COL20A1: variants seen among roughly 807,000 people sequenced by gnomAD.
The protein encoded by COL20A1 is collagen type XX alpha 1 chain.
In COL20A1, 164 loss-of-function variants were observed where a neutral mutation model predicts 152.9. That is an observed-to-expected ratio of 1.07 (90% CI 0.94 to 1.22). The LOEUF is 1.22. Ranked by LOEUF, COL20A1 falls within the 50% of genes most tolerant of loss-of-function variation. The probability of loss-of-function intolerance (pLI) is 0.00; values close to 1 mark genes in which losing one functional copy is unlikely to be tolerated. For synonymous variants in COL20A1, 864 were observed against 756.0 expected, an observed-to-expected ratio of 1.14 and a Z score of -2.34; for missense variants, 1,873 against 1,744.8, an observed-to-expected ratio of 1.07 and a Z score of -1.31.
chr20:63,334,232 T>C lies in COL20A1; in HGVS notation c.*3516T>C, dbSNP rs1350122568. ...CAACCAATGATAACAAGCTAAAGAATGCCTCTAGAAGCTAAAAGACACACC... is the reference window on the plus strand; with the variant it reads ...CAACCAATGATAACAAGCTAAAGAACGCCTCTAGAAGCTAAAAGACACACC... On this transcript the variant is annotated 3_prime_UTR_variant, in exon 36 of 36. Transcript: ENST00000358894. 2 of 152,176 alleles carry C rather than the reference T, an allele frequency of 1.3e-5. No individual in the cohort carries two copies. The highest frequency in any genetic ancestry group is 2.9e-5 in the Non-Finnish European group (2 of 68,050). 9.4% of individuals were successfully genotyped at this position (152,176 alleles called of 1,614,324 possible).
chr20:63,321,711 C>T (rs543735795), intron 26 of COL20A1, among the ~76,000 whole-genome samples: 5 of 152,294 alleles, frequency 3.3e-5, no homozygotes, highest in Non-Finnish European at 7.4e-5. Context: ...GCTGCAGCTG[C>T]CTCTGCTCAC....
chr20:63,327,367 G>A (rs2068267513), intron 31 of COL20A1: 1 of 174,882 alleles, frequency 5.7e-6, no homozygotes, highest in South Asian at 1.2e-4. Flanking sequence ...GTGTAGCTAA[G>A]GGCTGGTTCT....
At position 63,328,351 on chromosome 20, in the gene COL20A1, T is replaced by C; in HGVS notation, c.3634T>C (p.Ser1212Pro). The C allele has an allele frequency of 6.2e-7, 1 of 1,612,402 alleles. No individual in the cohort carries two copies. Among genetic ancestry groups the C allele is most frequent in the Non-Finnish European group, 8.5e-7 (1 of 1,179,448 alleles). ...SQASHVSKFDSFHENTRPPMP... is the reference protein window; with the variant it reads ...SQASHVSKFDPFHENTRPPMP... ...CACAGCACACGTGTCAAAGTTCGAC[T>C]CCTTCCACGAGAACACCAGGCCCCC... is the stretch of plus-strand genomic sequence containing the variant. Residue 1212 changes from serine to proline, a missense_variant, in exon 34 of 36, where the codon TCC becomes CCC. Ser to Pro is a moderately conservative substitution (Grantham distance 74). Transcript: ENST00000358894.
intron 8 of COL20A1, among the ~76,000 whole-genome samples, chr20:63,309,121 G>T (rs2067969065): frequency 6.6e-6 from 1 of 152,190 alleles, no homozygotes; most frequent in African/African-American, 2.4e-5. Context: ...GGAAACCCCA[G>T]ATTTCGAGGC....
chr20:63,313,309 C>G lies in COL20A1; in HGVS notation c.2209+60C>G. The G allele has an allele frequency of 1.3e-6, 2 of 1,540,874 alleles. No homozygotes were observed. Among genetic ancestry groups the G allele is most frequent in the South Asian group, 1.2e-5 (1 of 81,494 alleles). ...GGGGCAGGGATGGCCCAGGGGATCC[C>G]TGACTCACCCGCTGCACAGGCCCAG... On this transcript the variant is annotated intron_variant, in intron 17 of 35. Coordinates refer to ENST00000358894, the MANE Select transcript of COL20A1 (RefSeq NM_020882.4). The surrounding 1 kb of genome is among the most constrained non-coding windows in gnomAD (Gnocchi z 5.9).
rs780971401 is a variant in COL20A1, at chr20:63,313,216, C to T, written c.2176C>T (p.Arg726Cys). Residue 726 changes from arginine (R) to cysteine (C), a missense_variant, in exon 17 of 36, where the codon CGC becomes TGC. Arg to Cys is a radical substitution (Grantham distance 180). Coordinates refer to ENST00000358894, the MANE Select transcript of COL20A1 (RefSeq NM_020882.4). This position sits in a 1 kb window ranked among gnomAD's most constrained non-coding sequence, Gnocchi z 5.9. ...CTTGGCCTACTACAGGGACGGGGCC[C>T]GCAGTGACCCTGTGTCCCTCCGCTA... is the stretch of plus-strand genomic sequence containing the variant. The part of the protein sequence containing the change: ...TILAYYRDGA[R>C]SDPVSLRYTP... 24 of 1,612,150 alleles carry T rather than the reference C, an allele frequency of 1.5e-5. No homozygotes were observed. The Middle Eastern group carries it at 4.9e-4, about 33-fold the overall frequency.
At chr20:63,309,556 T>TTGGG (rs1487459911) in intron 9 of COL20A1, 59 bp downstream of exon 9, 11 of 1,413,372 alleles carry the variant, frequency 7.8e-6, no homozygotes, top group South Asian at 5.9e-5. Context: ...GGGCAAAGGG[T>TTGGG]TGGGGGGACG....
In COL20A1 at chr20:63,316,536, C is replaced by G. The variant is rs778390446; in HGVS notation, c.2525-17C>G. 3 of 1,583,584 alleles carry G rather than the reference C, an allele frequency of 1.9e-6. No individual in the cohort carries two copies. The highest frequency in any genetic ancestry group is 2.7e-5 in the African/African-American group (2 of 74,046). On this transcript the variant is annotated splice_polypyrimidine_tract_variant and intron_variant, in intron 20 of 35. Transcript: ENST00000358894. ...CTGAGGGTCCCTCGGTGCCCCTTCC[C>G]CCACCATCTTCCCCAGGGTTTGACC...
At chr20:63,316,770 G>C in intron 21 of COL20A1, 79 bp downstream of exon 21, 2 of 1,359,556 alleles carry the variant, frequency 1.5e-6, no homozygotes, top group Non-Finnish European at 1.9e-6. Flanking sequence ...GTGGGGGGGC[G>C]GGCATGGGCC....
In COL20A1 at chr20:63,295,061, G is replaced by A. The variant is rs573268710; in HGVS notation, c.-10-37G>A. ...TGTGGTCAGGGAGAGGACAGACGGGGGGACGGCTGAAGGGCATGGCCTCTT... is the reference window on the plus strand; with the variant it reads ...TGTGGTCAGGGAGAGGACAGACGGGAGGACGGCTGAAGGGCATGGCCTCTT... On this transcript the variant is annotated intron_variant, in intron 1 of 35. Transcript: ENST00000358894. The A allele has an allele frequency of 7.2e-5, 98 of 1,363,042 alleles. 2 individuals are homozygous for A. The African/African-American group carries it at 1.1e-3, about 16-fold the overall frequency. 84.4% of individuals were successfully genotyped at this position (1,363,042 alleles called of 1,614,324 possible). A position where few individuals can be genotyped will look rare whatever the true frequency, so the allele number is the denominator to read the frequency against.
In COL20A1 at chr20:63,315,469, C is replaced by G. The variant is rs1179396182; in HGVS notation, c.2524+30C>G. 3 of 1,550,700 alleles carry G rather than the reference C, an allele frequency of 1.9e-6. No individual in the cohort carries two copies. The Admixed American group carries it at 5.6e-5, about 29-fold the overall frequency. ...GTCCTGCATGCCCTCCCCTGCCTGC[C>G]CACCCACAGTCTCTCGGGCTCTTCC... On this transcript the variant is annotated intron_variant, in intron 20 of 35. Transcript: ENST00000358894.
chr20:63,296,902 CTG>C (rs2067801166), intron 2 of COL20A1, among the ~76,000 whole-genome samples: 1 of 152,180 alleles, frequency 6.6e-6, no homozygotes, highest in Admixed American at 6.5e-5. Flanking sequence ...AAGCCCATCT[CTG>C]TCCCCATTTT....
Position 63,312,507 on chromosome 20 carries a change from C to T in COL20A1, c.1891C>T (p.Pro631Ser). The T allele has an allele frequency of 6.2e-7, 1 of 1,608,174 alleles. No individual in the cohort carries two copies. Residue 631 changes from proline (P) to serine (S), a missense_variant, in exon 15 of 36, where the codon CCT becomes TCT. Pro to Ser is a moderately conservative substitution (Grantham distance 74). Coordinates refer to ENST00000358894, the MANE Select transcript of COL20A1 (RefSeq NM_020882.4). ...TYTVRVTCLYPGGGSSTLTGR... is the reference protein window; with the variant it reads ...TYTVRVTCLYSGGGSSTLTGR... ...CACTGTCCGTGTCACCTGCCTCTAC[C>T]CTGGGGGTGGCTCCTCTACGCTGAC...
chr20:63,301,140 C>T (rs1203891697), intron 3 of COL20A1, among the ~76,000 whole-genome samples: 1 of 152,160 alleles, frequency 6.6e-6, no homozygotes, highest in Non-Finnish European at 1.5e-5. Context: ...CATGGCAAAA[C>T]CCCGTCTCTA....
At chr20:63,329,885 T>TG (rs1020321831) in intron 35 of COL20A1, among the ~76,000 whole-genome samples, 7 of 151,652 alleles carry the variant, frequency 4.6e-5, no homozygotes, top group Admixed American at 4.6e-4. Flanking sequence ...TCACAGGGCG[T>TG]GGGGTCACAG....
In COL20A1 at chr20:63,327,485, C is replaced by T; in HGVS notation, c.3529-467C>T. 2 of 203,820 alleles carry T rather than the reference C, an allele frequency of 9.8e-6. 1 individual carries two copies. The highest frequency in any genetic ancestry group is 1.7e-4 in the South Asian group (2 of 11,614). The allele number at this position is 203,820 out of a possible 1,614,324, so 12.6% of individuals were successfully genotyped here. A position where few individuals can be genotyped will look rare whatever the true frequency, so the allele number is the denominator to read the frequency against. ...GACGTGGGAGATGGGGGTGTAGTGT[C>T]CCCTGGGGGATGCCTTGGCCTTCAG... On this transcript the variant is annotated intron_variant, in intron 31 of 35. Coordinates refer to ENST00000358894, the MANE Select transcript of COL20A1 (RefSeq NM_020882.4).
rs549362267 is a variant in COL20A1, at chr20:63,311,730, G to C, written c.1645G>C (p.Gly549Arg). Reference protein sequence around the residue: ...LRGPEGSEARGIRARTPTLAP... With the variant: ...LRGPEGSEARRIRARTPTLAP... ...AGGCCCTGAGGGCAGCGAGGCCCGG[G>C]GCATCCGTGCCAGGACCCGTGAGTG... The change falls in exon 13 of 36, where the codon GGC becomes CGC. Residue 549 changes from glycine to arginine, a missense_variant. Coordinates refer to ENST00000358894, the MANE Select transcript of COL20A1 (RefSeq NM_020882.4). The surrounding 1 kb of genome is among the most constrained non-coding windows in gnomAD (Gnocchi z 4.4). 3 of 1,595,656 alleles carry C rather than the reference G, an allele frequency of 1.9e-6. No homozygotes were observed. Among genetic ancestry groups the C allele is most frequent in the East Asian group, 4.5e-5 (2 of 44,380 alleles).
At chr20:63,328,296 C>CCA (rs763939959) in intron 33 of COL20A1, 35 bp from the exon 34 acceptor site, 1 of 1,593,188 alleles carries the variant, frequency 6.3e-7, no homozygotes, top group South Asian at 1.1e-5. Flanking sequence ...CCCCGGGTCC[C>CCA]CACTGTGTCC....
chr20:63,313,472 G>A lies in COL20A1; in HGVS notation c.2209+223G>A, dbSNP rs771781521. Among the ~76,000 whole-genome samples, 4 of 152,276 alleles carry A rather than the reference G, an allele frequency of 2.6e-5. No individual in the cohort carries two copies. The highest frequency in any genetic ancestry group is 2.9e-5 in the Non-Finnish European group (2 of 68,012). ...GAGTGCACAAACCACCTAGTGTCCC[G>A]CAGGGCAGCCCAGGCAGCAGCCCTG... On this transcript the variant is annotated intron_variant, in intron 17 of 35. Transcript: ENST00000358894. This position sits in a 1 kb window ranked among gnomAD's most constrained non-coding sequence, Gnocchi z 5.9.
Sources: gnomAD v4.1 joint callset for allele counts (sites outside exome capture counted in the v4.1 genomes callset) on GRCh38, gnomAD v4.1.1 for gene constraint, Gnocchi (gnomAD v3.1) non-coding constraint, MANE v1.5 for transcripts, NCBI Gene and HGNC (gene_info 2026-07-23, HGNC 2026-07-21) for gene names.